The following PPM1L variants were observed in gnomAD, a reference collection of about 807,000 sequenced individuals.
PPM1L encodes protein phosphatase, Mg2+/Mn2+ dependent 1L, also known as protein phosphatase 1L.
PPM1L carries 13 observed loss-of-function variants against 31.4 expected under a neutral mutation model. The observed-to-expected ratio is 0.41, with a 90% confidence interval of 0.27 to 0.66. The LOEUF is 0.66. Ranked by LOEUF, PPM1L falls within the 30% of genes least tolerant of loss-of-function variation. The pLI, the probability that PPM1L is intolerant of heterozygous loss-of-function variation, is 0.29. For synonymous variants in PPM1L, 184 were observed against 175.4 expected (o/e 1.05, Z -0.39); for missense variants, 326 against 453.7 (o/e 0.72, Z 2.56).
At chr3:160,776,737 AC>A (rs1319205631) in intron 1 of PPM1L, among the ~76,000 whole-genome samples, 2 of 151,552 alleles carry the variant, frequency 1.3e-5, no homozygotes, top group African/African-American at 4.8e-5. Flanking sequence ...TGTAACTGGG[AC>A]TACAGACACA....
At chr3:160,845,978 T>C (rs1714063065) in intron 1 of PPM1L, among the ~76,000 whole-genome samples, 1 of 152,024 alleles carries the variant, frequency 6.6e-6, no homozygotes, top group South Asian at 2.1e-4. Context: ...ACGAAGTAGG[T>C]GTACCACCTC....
intron 1 of PPM1L, among the ~76,000 whole-genome samples, chr3:160,824,041 C>T (rs991995203): frequency 3.9e-5 from 6 of 152,104 alleles, no homozygotes; most frequent in African/African-American, 1.4e-4. Context: ...TATGAGTGTG[C>T]AATAGATTGA....
intron 1 of PPM1L, among the ~76,000 whole-genome samples, chr3:160,804,353 C>T (rs1712533275): frequency 6.6e-6 from 1 of 152,196 alleles, no homozygotes; most frequent in Non-Finnish European, 1.5e-5. Context: ...TTTCAAAGTT[C>T]AGTAACCCAT....
intron 2 of PPM1L, among the ~76,000 whole-genome samples, chr3:161,046,250 A>G (rs1369434048): frequency 2.6e-5 from 4 of 152,092 alleles, no homozygotes; most frequent in Admixed American, 6.5e-5. Flanking sequence ...AAAATGATAA[A>G]GGGGATATCA....
intron 2 of PPM1L, among the ~76,000 whole-genome samples, chr3:160,974,361 A>T (rs937020344): frequency 6.6e-6 from 1 of 152,062 alleles, no homozygotes; most frequent in African/African-American, 2.4e-5. Flanking sequence ...TAGCAGCATG[A>T]TTTATAGTTG....
intron 1 of PPM1L, among the ~76,000 whole-genome samples, chr3:160,786,181 G>A (rs1384589402): frequency 5.8e-4 from 40 of 69,418 alleles, no homozygotes; most frequent in African/African-American, 3.2e-3. Context: ...GTGTGTGTGT[G>A]TGTGTGTATA....
chr3:160,776,997 C>T (rs1420997436), intron 1 of PPM1L, among the ~76,000 whole-genome samples: 1 of 151,870 alleles, frequency 6.6e-6, no homozygotes, highest in Non-Finnish European at 1.5e-5. Flanking sequence ...TCTTTGTTAA[C>T]CTTTCCATTT....
intron 1 of PPM1L, among the ~76,000 whole-genome samples, chr3:160,782,469 C>T (rs1350263831): frequency 1.3e-5 from 2 of 152,060 alleles, no homozygotes; most frequent in East Asian, 1.9e-4. Flanking sequence ...ACAAAGTTGG[C>T]CTGTGCTTTA....
At chr3:160,760,665 A>G (rs917475568) in intron 1 of PPM1L, among the ~76,000 whole-genome samples, 7 of 152,052 alleles carry the variant, frequency 4.6e-5, no homozygotes, top group African/African-American at 1.4e-4. Flanking sequence ...TAGGAAAATC[A>G]TTGTTTTTGT....
At chr3:160,868,284 G>A (rs1294806848) in intron 1 of PPM1L, among the ~76,000 whole-genome samples, 1 of 152,178 alleles carries the variant, frequency 6.6e-6, no homozygotes, top group African/African-American at 2.4e-5. Flanking sequence ...GGGAAGGGGG[G>A]TCCAGGCATT....
intron 1 of PPM1L, among the ~76,000 whole-genome samples, chr3:160,894,496 G>T (rs1229956191): frequency 6.6e-6 from 1 of 152,090 alleles, no homozygotes; most frequent in African/African-American, 2.4e-5. Context: ...CAAAGCTTGG[G>T]AATTCTAGAT....
intron 1 of PPM1L, among the ~76,000 whole-genome samples, chr3:160,830,210 T>A (rs1357762095): frequency 6.6e-6 from 1 of 152,190 alleles, no homozygotes; most frequent in African/African-American, 2.4e-5. Context: ...TAGCTACTAT[T>A]ATGGAATGCC....
At chr3:160,811,676 G>T (rs1712809647) in intron 1 of PPM1L, among the ~76,000 whole-genome samples, 1 of 152,144 alleles carries the variant, frequency 6.6e-6, no homozygotes, top group Non-Finnish European at 1.5e-5. Flanking sequence ...ATGGGCTTGA[G>T]AGCTAGATAG....
intron 1 of PPM1L, among the ~76,000 whole-genome samples, chr3:160,843,424 TTTTATATATATATATATATATATA>T (rs1326958714): frequency 1.1e-3 from 56 of 50,094 alleles, no homozygotes; most frequent in African/African-American, 3.4e-3. Context: ...ATGGCAATTC[TTTTATATATATATATATATATATA>T]TATATATATA....
chr3:160,878,223 C>T lies in PPM1L; in HGVS notation c.400-83513C>T, dbSNP rs533210661. On this transcript the variant is annotated intron_variant, in intron 1 of 3. Transcript: ENST00000498165. ...ATATGCAAACAAAAGGCTGTCTTAG[C>T]TTTAATAAGGATTTGGGTTCAGAGC... 1.9e-4 allele frequency among the ~76,000 whole-genome samples: 29 copies of T among 152,248 alleles called. No homozygotes were observed. The South Asian group carries it at 6.0e-3, about 32-fold the overall frequency.
intron 1 of PPM1L, among the ~76,000 whole-genome samples, chr3:160,792,359 A>T (rs1445080708): frequency 4.6e-5 from 7 of 152,168 alleles, no homozygotes; most frequent in Admixed American, 4.6e-4. Flanking sequence ...CTTATTTCTG[A>T]TGGTGATTTG....
At chr3:160,996,125 A>T (rs1051229669) in intron 2 of PPM1L, among the ~76,000 whole-genome samples, 2 of 152,332 alleles carry the variant, frequency 1.3e-5, no homozygotes, top group African/African-American at 4.8e-5. Context: ...CCATAATCAA[A>T]AACTCAAAAA....
At chr3:160,946,180 TCTTA>T (rs1421381735) in intron 1 of PPM1L, among the ~76,000 whole-genome samples, 5 of 152,154 alleles carry the variant, frequency 3.3e-5, no homozygotes, top group African/African-American at 1.2e-4. Context: ...AATTTTACCA[TCTTA>T]CTTTTCTTAG....
At chr3:161,000,141 C>A (rs1305085549) in intron 2 of PPM1L, among the ~76,000 whole-genome samples, 1 of 152,262 alleles carries the variant, frequency 6.6e-6, no homozygotes, top group East Asian at 1.9e-4. Flanking sequence ...TCACAAGTTC[C>A]ATTTTGGACT....
Sources: allele counts gnomAD v4.1 joint callset (sites outside exome capture counted in the v4.1 genomes callset), GRCh38; gene constraint gnomAD v4.1.1; transcripts MANE v1.5; gene names NCBI Gene and HGNC (gene_info 2026-07-23, HGNC 2026-07-21).